The following KRT8 variants were observed in gnomAD, a reference collection of about 807,000 sequenced individuals.
The protein encoded by KRT8 is keratin, type II cytoskeletal 8.
Under a neutral mutation model 43.0 loss-of-function variants are expected in KRT8, and 24 were observed. That is an observed-to-expected ratio of 0.56 (90% CI 0.40 to 0.78). KRT8 has a LOEUF of 0.78. KRT8 is among the 30% of genes least tolerant of loss of function. The pLI, the probability that KRT8 is intolerant of heterozygous loss-of-function variation, is 0.00. For synonymous variants in KRT8, 214 were observed against 261.2 expected (o/e 0.82, Z 1.74); for missense variants, 492 against 638.4 (o/e 0.77, Z 2.47).
intron 2 of KRT8, among the ~76,000 whole-genome samples, chr12:52,927,557 A>G (rs1184522843): frequency 6.6e-6 from 1 of 152,204 alleles, no homozygotes; most frequent in African/African-American, 2.4e-5. Context: ...CCAGGGGTGG[A>G]GTCGCGAGGG....
chr12:52,922,565 C>T (rs1256241802), intron 2 of KRT8, among the ~76,000 whole-genome samples: 3 of 152,076 alleles, frequency 2.0e-5, no homozygotes, highest in Admixed American at 1.3e-4. Context: ...TCCAGCTACT[C>T]GGGAGGCTGA....
At chr12:52,926,341 A>G in intron 2 of KRT8, 4 of 322,122 alleles carry the variant, frequency 1.2e-5, no homozygotes, top group Admixed American at 4.6e-5. Flanking sequence ...TGCCCTCCCC[A>G]CCCCACCCCC....
chr12:52,906,561 C>G, upstream of KRT8: 1 of 395,950 alleles, frequency 2.5e-6, no homozygotes. Context: ...CAAGGCACCC[C>G]AGGCCTGGGT....
rs923432670 is a variant in KRT8, at chr12:52,904,855, T to C, written c.127A>G (p.Ser43Gly). 4 of 1,612,748 alleles carry C rather than the reference T, an allele frequency of 2.5e-6. No homozygotes were observed. In the African/African-American group the frequency reaches 5.3e-5, roughly 22 times the overall value. Residue 43 changes from serine to glycine, a missense_variant, in exon 1 of 8, where the codon AGC (serine) becomes GGC (glycine). Around this residue, in one of 3 missense-constraint regions of KRT8, gnomAD observed 84 missense variants for 97.6 expected, o/e 0.86. Coordinates refer to ENST00000692008, the Ensembl canonical transcript of KRT8. ...CCCAGGCCACCGCGAAAGTTGCTGCTGCCCACTCGGGAGAAGCTCGAGGAG... is the reference window on the plus strand; with the variant it reads ...CCCAGGCCACCGCGAAAGTTGCTGCCGCCCACTCGGGAGAAGCTCGAGGAG...
At chr12:52,909,805 G>A (rs1352288068), upstream of KRT8, among the ~76,000 whole-genome samples, 1 of 152,128 alleles carries the variant, frequency 6.6e-6, no homozygotes, top group East Asian at 1.9e-4. Context: ...AATGTTCTCT[G>A]GTTTGAAATT....
At chr12:52,913,856 G>T (rs546250713) in intron 2 of KRT8, among the ~76,000 whole-genome samples, 2 of 152,164 alleles carry the variant, frequency 1.3e-5, no homozygotes, top group Non-Finnish European at 2.9e-5. Flanking sequence ...TCAAATACAC[G>T]GTTACAGGTT....
chr12:52,945,766 G>C (rs564274989), intron 2 of KRT8, among the ~76,000 whole-genome samples: 1 of 152,036 alleles, frequency 6.6e-6, no homozygotes, highest in Non-Finnish European at 1.5e-5. Flanking sequence ...CCCCCCTGCC[G>C]AGGCTCATTA....
At chr12:52,914,405 C>T (rs930455723) in intron 2 of KRT8, among the ~76,000 whole-genome samples, 4 of 152,104 alleles carry the variant, frequency 2.6e-5, no homozygotes, top group African/African-American at 4.8e-5. Context: ...AGTATGGTGG[C>T]GCATGCCTGT....
chr12:52,899,576 T>C (rs1941309982), intron 5 of KRT8, among the ~76,000 whole-genome samples, 199 bp downstream of exon 5: 1 of 152,080 alleles, frequency 6.6e-6, no homozygotes, highest in South Asian at 2.1e-4. Context: ...TTCACCTCTG[T>C]CCTGGCCCAA....
chr12:52,901,695 A>T, intron 2 of KRT8, 169 bp downstream of exon 2: 1 of 641,526 alleles, frequency 1.6e-6, no homozygotes, highest in Non-Finnish European at 2.8e-6. Flanking sequence ...TGTGCTAGGA[A>T]CCTGGGCATA....
upstream of KRT8, among the ~76,000 whole-genome samples, chr12:52,910,273 C>G (rs990981874): frequency 1.3e-5 from 2 of 152,184 alleles, no homozygotes; most frequent in South Asian, 2.1e-4. Flanking sequence ...AGGTCGCACC[C>G]CGTCTGCATT....
At position 52,936,474 on chromosome 12, in the gene KRT8, G is replaced by A. The variant is rs988259868; in HGVS notation, c.-47+12982C>T. ...TTATTTTATGTTTTGTAGAAAAGCG[G>A]TCTCACTATGTTGCGGAGCTAGATT... On this transcript the variant is annotated intron_variant, in intron 2 of 6. Transcript: ENST00000546826. Among the ~76,000 whole-genome samples the A allele has an allele frequency of 1.9e-4, 29 of 152,074 alleles. 1 individual carries two copies. The highest frequency in any genetic ancestry group is 2.9e-5 in the Non-Finnish European group (2 of 68,018).
intron 2 of KRT8, among the ~76,000 whole-genome samples, chr12:52,928,174 G>C (rs1366494292): frequency 1.3e-5 from 2 of 152,192 alleles, no homozygotes; most frequent in African/African-American, 4.8e-5. Flanking sequence ...GTCTGGGAAG[G>C]CTTCCTGAAG....
At chr12:52,925,428 A>C (rs1941970128) in intron 2 of KRT8, among the ~76,000 whole-genome samples, 1 of 152,102 alleles carries the variant, frequency 6.6e-6, no homozygotes, top group Non-Finnish European at 1.5e-5. Context: ...CTTAGGTATG[A>C]ATGGCGCCAT....
upstream of KRT8, among the ~76,000 whole-genome samples, chr12:52,905,742 CACAT>C (rs1337177208): frequency 0.072 from 997 of 13,866 alleles, 9 homozygotes; most frequent in African/African-American, 0.36. Context: ...CACACACACA[CACAT>C]ACACATACAC....
intron 2 of KRT8, among the ~76,000 whole-genome samples, chr12:52,924,252 T>C (rs995744953): frequency 6.6e-6 from 1 of 151,946 alleles, no homozygotes; most frequent in South Asian, 2.1e-4. Context: ...ATCGAGACCA[T>C]CCTGGCTAAC....
At chr12:52,929,060 A>G (rs1942041631) in intron 2 of KRT8, among the ~76,000 whole-genome samples, 1 of 152,066 alleles carries the variant, frequency 6.6e-6, no homozygotes, top group African/African-American at 2.4e-5. Context: ...CCTAGCCACC[A>G]TCCATGGAAA....
At chr12:52,907,479 A>T (rs971308528), upstream of KRT8, among the ~76,000 whole-genome samples, 2 of 152,132 alleles carry the variant, frequency 1.3e-5, no homozygotes, top group Non-Finnish European at 2.9e-5. Flanking sequence ...AGGAGCAAAA[A>T]AACAGCACCC....
intron 2 of KRT8, among the ~76,000 whole-genome samples, chr12:52,938,913 G>C (rs1592186686): frequency 6.6e-6 from 1 of 152,012 alleles, no homozygotes; most frequent in African/African-American, 2.4e-5. Flanking sequence ...CACCGCGCCT[G>C]GCCTACAAAT....
Sources: gnomAD v4.1 joint callset for allele counts (sites outside exome capture counted in the v4.1 genomes callset) on GRCh38, gnomAD v4.1.1 for gene constraint, gnomAD v4.1.1 regional missense constraint, MANE v1.5 for transcripts, NCBI Gene and HGNC (gene_info 2026-07-23, HGNC 2026-07-21) for gene names.